Variants in PRKCB observed in about 807,000 individuals in gnomAD.
The protein encoded by PRKCB is protein kinase C beta type.
A neutral mutation model predicts 81.5 loss-of-function variants in PRKCB; 13 were observed. The observed-to-expected ratio is 0.16, with a 90% CI of 0.10 to 0.25. The LOEUF (loss-of-function observed/expected upper bound fraction) is 0.25, where lower values mean the gene tolerates loss of function less well. PRKCB is among the 10% of genes least tolerant of loss of function. The pLI, the probability that PRKCB is intolerant of heterozygous loss-of-function variation, is 1.00. For missense variants in PRKCB, 509 were observed against 875.7 expected, an observed-to-expected ratio of 0.58 and a Z score of 5.29; for synonymous variants, 335 against 321.4, an observed-to-expected ratio of 1.04 and a Z score of -0.45.
chr16:24,190,448 CA>C (rs1394158835), intron 15 of PRKCB, among the ~76,000 whole-genome samples: 2 of 150,512 alleles, frequency 1.3e-5, no homozygotes. Context: ...ATTCTTAAAC[CA>C]AAATGGATAA....
chr16:24,099,079 A>G (rs1966473675), intron 7 of PRKCB: 1 of 152,212 alleles, frequency 6.6e-6, no homozygotes, highest in Non-Finnish European at 1.5e-5. Context: ...GTGTGACAGG[A>G]GGAAACATAA....
intron 2 of PRKCB, among the ~76,000 whole-genome samples, chr16:23,867,181 C>T (rs184421303): frequency 1.6e-4 from 24 of 151,758 alleles, no homozygotes; most frequent in Non-Finnish European, 2.1e-4. Context: ...GCTGGAATGC[C>T]GTGGCATGAT....
chr16:24,217,432 G>C lies in PRKCB; in HGVS notation c.*2616G>C, dbSNP rs1042196411. On this transcript the variant is annotated 3_prime_UTR_variant, in exon 17 of 17. Transcript: ENST00000643927. ...GGACCTTCTTGGGGGATTAATGGGA[G>C]GTCAGTAGAATTAATAACCCTCCTT... is the stretch of plus-strand genomic sequence containing the variant. 3.0e-6 allele frequency: 3 copies of C among 985,290 alleles called. No homozygotes were observed. In the African/African-American group the frequency reaches 5.2e-5, roughly 17 times the overall value. 61.0% of individuals were successfully genotyped at this position (985,290 alleles called of 1,614,324 possible). A position where few individuals can be genotyped will look rare whatever the true frequency, so the allele number is the denominator to read the frequency against.
At chr16:23,848,858 T>C (rs567889587) in intron 2 of PRKCB, among the ~76,000 whole-genome samples, 17 of 152,248 alleles carry the variant, frequency 1.1e-4, no homozygotes, top group Non-Finnish European at 1.5e-4. Flanking sequence ...AAGCACTTGA[T>C]AAATGGTAGC....
At chr16:24,024,940 G>A (rs1464600141) in intron 3 of PRKCB, among the ~76,000 whole-genome samples, 1 of 152,182 alleles carries the variant, frequency 6.6e-6, no homozygotes, top group African/African-American at 2.4e-5. Flanking sequence ...GAAGGAGGAG[G>A]GAAGAATCCA....
chr16:24,079,633 A>G (rs1966224055), intron 5 of PRKCB, among the ~76,000 whole-genome samples: 1 of 152,262 alleles, frequency 6.6e-6, no homozygotes, highest in Admixed American at 6.5e-5. Context: ...ATCAGATGCC[A>G]GAATCTTTGG....
At chr16:24,017,502 A>G (rs1428747535) in intron 3 of PRKCB, among the ~76,000 whole-genome samples, 2 of 152,048 alleles carry the variant, frequency 1.3e-5, no homozygotes. Context: ...ACGCAGGCAC[A>G]CACACACACA....
intron 2 of PRKCB, among the ~76,000 whole-genome samples, chr16:23,861,016 A>G (rs564849618): frequency 6.6e-6 from 1 of 152,304 alleles, no homozygotes; most frequent in East Asian, 1.9e-4. Context: ...CTCCCTTTTA[A>G]GCTAAAAGAA....
chr16:24,070,093 A>G (rs1263922330), intron 5 of PRKCB, among the ~76,000 whole-genome samples: 3 of 151,694 alleles, frequency 2.0e-5, no homozygotes, highest in Non-Finnish European at 4.4e-5. Context: ...GTTAACTTAC[A>G]CTGGGATTGG....
intron 9 of PRKCB, among the ~76,000 whole-genome samples, chr16:24,145,895 G>A (rs917774085): frequency 3.3e-5 from 5 of 152,188 alleles, no homozygotes; most frequent in African/African-American, 1.2e-4. Context: ...AACAATGTAT[G>A]TTCAATTTCT....
At chr16:24,060,509 G>A (rs1204729692) in intron 5 of PRKCB, among the ~76,000 whole-genome samples, 2 of 152,162 alleles carry the variant, frequency 1.3e-5, no homozygotes, top group African/African-American at 4.8e-5. Context: ...TTGTGTAGTG[G>A]ATACTGTGGT....
intron 3 of PRKCB, among the ~76,000 whole-genome samples, chr16:24,018,517 TTAA>T (rs1199968099): frequency 6.6e-6 from 1 of 152,156 alleles, no homozygotes; most frequent in Non-Finnish European, 1.5e-5. Flanking sequence ...AGTCAGAAAG[TTAA>T]TAACTGGAAG....
chr16:24,121,209 A>G (rs970305333), intron 8 of PRKCB, among the ~76,000 whole-genome samples: 3 of 152,068 alleles, frequency 2.0e-5, no homozygotes, highest in Non-Finnish European at 2.9e-5. Context: ...ATACCAGTTT[A>G]TCTACTTCAG....
chr16:23,837,174 G>T, intron 1 of PRKCB: 1 of 700,008 alleles, frequency 1.4e-6, no homozygotes, highest in Admixed American at 2.3e-5. Context: ...CCTCTCTTCT[G>T]CAGGAGTGAA....
intron 9 of PRKCB, 76 bp downstream of exon 9, chr16:24,124,057 G>T: frequency 6.5e-7 from 1 of 1,542,066 alleles, no homozygotes; most frequent in Admixed American, 1.7e-5. Flanking sequence ...TGTTCCTATG[G>T]GACGGACGTC....
intron 2 of PRKCB, among the ~76,000 whole-genome samples, chr16:23,850,084 C>T (rs1962448191): frequency 6.6e-6 from 1 of 152,094 alleles, no homozygotes; most frequent in Admixed American, 6.6e-5. Flanking sequence ...CTCTGTGTTT[C>T]TGGCTTATTT....
chr16:24,110,680 C>A (rs535556020), intron 7 of PRKCB, among the ~76,000 whole-genome samples: 2 of 151,928 alleles, frequency 1.3e-5, no homozygotes, highest in South Asian at 4.2e-4. Flanking sequence ...CCATACCTAG[C>A]TAAATTTTTT....
chr16:24,114,771 A>G (rs973661829), intron 8 of PRKCB, among the ~76,000 whole-genome samples: 1 of 152,172 alleles, frequency 6.6e-6, no homozygotes, highest in Admixed American at 6.5e-5. Flanking sequence ...ATGGCCTACT[A>G]ACTCCCCAAA....
In PRKCB at chr16:24,217,635, C is replaced by A; in HGVS notation, c.*2819C>A. The A allele has an allele frequency of 1.0e-6, 1 of 985,488 alleles. No homozygotes were observed. The highest frequency in any genetic ancestry group is 1.2e-6 in the Non-Finnish European group (1 of 829,978). The allele number at this position is 985,488 out of a possible 1,614,324, so 61.0% of individuals were successfully genotyped here. A position where few individuals can be genotyped will look rare whatever the true frequency, so the allele number is the denominator to read the frequency against. ...AGTCCTGTCTGGACCATGTGGTTAT[C>A]TGAAGCATTAGCCATCACCAGCACA... On this transcript the variant is annotated 3_prime_UTR_variant, in exon 17 of 17. Transcript: ENST00000643927.
Sources: gnomAD v4.1 joint callset for allele counts (sites outside exome capture counted in the v4.1 genomes callset) on GRCh38, gnomAD v4.1.1 for gene constraint, MANE v1.5 for transcripts, NCBI Gene and HGNC (gene_info 2026-07-23, HGNC 2026-07-21) for gene names.